The following CSMD1 variants were observed in gnomAD, a reference collection of about 807,000 sequenced individuals.
The protein encoded by CSMD1 is CUB and Sushi multiple domains 1, also known as CUB and sushi domain-containing protein 1.
Under a neutral mutation model 417.5 loss-of-function variants are expected in CSMD1, and 213 were observed. That is an observed-to-expected ratio of 0.51 (90% CI 0.46 to 0.57). The LOEUF (loss-of-function observed/expected upper bound fraction) is 0.57, where lower values mean the gene tolerates loss of function less well. CSMD1 is among the 20% of genes least tolerant of loss of function. The pLI is 0.00. For missense variants in CSMD1, 6,923 were observed against 4,529.7 expected, an observed-to-expected ratio of 1.53 and a Z score of -15.17; for synonymous variants, 2,862 against 1,736.8, an observed-to-expected ratio of 1.65 and a Z score of -16.11.
intron 3 of CSMD1, among the ~76,000 whole-genome samples, chr8:4,389,666 T>G (rs1803712144): frequency 6.6e-6 from 1 of 152,188 alleles, no homozygotes; most frequent in Non-Finnish European, 1.5e-5. Flanking sequence ...AAACTCCACC[T>G]TTATTTTTAA....
At chr8:4,239,596 C>A (rs1802272381) in intron 3 of CSMD1, among the ~76,000 whole-genome samples, 1 of 152,134 alleles carries the variant, frequency 6.6e-6, no homozygotes, top group Admixed American at 6.6e-5. Context: ...TAGCCACCTG[C>A]CTCTCTTAGA....
At chr8:3,461,817 T>G (rs1277251649) in intron 12 of CSMD1, among the ~76,000 whole-genome samples, 3 of 152,158 alleles carry the variant, frequency 2.0e-5, no homozygotes, top group Non-Finnish European at 4.4e-5. Flanking sequence ...CACGGACAAG[T>G]CTAGCAGCCA....
intron 2 of CSMD1, among the ~76,000 whole-genome samples, chr8:4,445,380 C>T (rs1798721957): frequency 6.6e-6 from 1 of 152,128 alleles, no homozygotes; most frequent in African/African-American, 2.4e-5. Context: ...TTGAGGAGCT[C>T]AACAAATTCT....
At chr8:3,558,937 C>A (rs1484986711) in intron 10 of CSMD1, among the ~76,000 whole-genome samples, 4 of 152,096 alleles carry the variant, frequency 2.6e-5, no homozygotes, top group Non-Finnish European at 4.4e-5. Context: ...GATTCGAGGT[C>A]CCAGAGTAGC....
chr8:3,206,449 GTA>G (rs1198318760), intron 30 of CSMD1, among the ~76,000 whole-genome samples: 13 of 45,590 alleles, frequency 2.9e-4, no homozygotes, highest in East Asian at 5.1e-4. Context: ...ATGTGTGTGT[GTA>G]TGTGTGTGTG....
At position 3,414,306 on chromosome 8, in the gene CSMD1, G is replaced by T. The variant is rs17066053; in HGVS notation, c.1562-4701C>A. On this transcript the variant is annotated intron_variant, in intron 12 of 69. Coordinates refer to ENST00000635120, the MANE Select transcript of CSMD1 (RefSeq NM_033225.6). ...AAGATTTGATAATGAAGGGGCCTAC[G>T]GAAAATATTGTTTAAGGATCATTCC... is the stretch of plus-strand genomic sequence containing the variant. Among the ~76,000 whole-genome samples the T allele has an allele frequency of 3.1e-3, 456 of 147,244 alleles. 5 individuals carry two copies. Among genetic ancestry groups the T allele is most frequent in the African/African-American group, 0.01 (404 of 40,124 alleles).
intron 28 of CSMD1, among the ~76,000 whole-genome samples, chr8:3,220,096 G>A (rs1445795204): frequency 7.1e-6 from 1 of 141,420 alleles, no homozygotes; most frequent in Non-Finnish European, 1.5e-5. Flanking sequence ...AATGAGCTAT[G>A]ACCACACCAC....
At chr8:3,794,772 A>T (rs1799947064) in intron 5 of CSMD1, among the ~76,000 whole-genome samples, 1 of 152,102 alleles carries the variant, frequency 6.6e-6, no homozygotes, top group Non-Finnish European at 1.5e-5. Flanking sequence ...TCTGAAACAA[A>T]ATAACACATC....
At chr8:4,586,341 T>G (rs1169035665) in intron 2 of CSMD1, among the ~76,000 whole-genome samples, 2 of 152,214 alleles carry the variant, frequency 1.3e-5, no homozygotes, top group Non-Finnish European at 2.9e-5. Flanking sequence ...ATTGCTTGTG[T>G]AGAGATAGAT....
intron 37 of CSMD1, among the ~76,000 whole-genome samples, chr8:3,172,758 T>C (rs1015810414): frequency 2.6e-5 from 4 of 152,168 alleles, no homozygotes; most frequent in Non-Finnish European, 5.9e-5. Flanking sequence ...AAACCAAACA[T>C]CGTCTCCCAT....
intron 3 of CSMD1, among the ~76,000 whole-genome samples, chr8:4,159,657 C>G (rs1467344666): frequency 1.3e-5 from 2 of 152,132 alleles, no homozygotes; most frequent in Non-Finnish European, 2.9e-5. Flanking sequence ...GGCGCGATCT[C>G]GGCTCACTGC....
chr8:3,796,729 C>T (rs1800176234), intron 5 of CSMD1, among the ~76,000 whole-genome samples: 1 of 150,764 alleles, frequency 6.6e-6, no homozygotes, highest in South Asian at 2.1e-4. Flanking sequence ...TTCTATATGT[C>T]ACCTTGTTAT....
chr8:4,590,419 T>C (rs964753819), intron 2 of CSMD1, among the ~76,000 whole-genome samples: 33 of 152,346 alleles, frequency 2.2e-4, no homozygotes, highest in African/African-American at 6.7e-4. Context: ...ATTAATTTTA[T>C]GTTATTCATC....
intron 20 of CSMD1, among the ~76,000 whole-genome samples, chr8:3,362,019 T>G (rs937373317): frequency 1.3e-5 from 2 of 152,210 alleles, no homozygotes; most frequent in African/African-American, 2.4e-5. Context: ...GCCTTCAGAA[T>G]TCCATCTTCT....
rs539190014 is a variant in CSMD1, at chr8:4,410,912, A to C, written c.415+9041T>G. On this transcript the variant is annotated intron_variant, in intron 3 of 69. Coordinates refer to ENST00000635120, the MANE Select transcript of CSMD1 (RefSeq NM_033225.6). Reference sequence around the variant, plus strand: ...GGTTATAAGTTCAATAAGATCAATGAATGTCTTTCTCTTCAGACTAGATTT... The same window carrying C: ...GGTTATAAGTTCAATAAGATCAATGCATGTCTTTCTCTTCAGACTAGATTT... Among the ~76,000 whole-genome samples, 45 of 152,278 alleles carry C rather than the reference A, an allele frequency of 3.0e-4. No individual in the cohort carries two copies. The Middle Eastern group carries it at 0.01, about 35-fold the overall frequency.
At chr8:4,242,864 G>T (rs534126874) in intron 3 of CSMD1, among the ~76,000 whole-genome samples, 5 of 152,154 alleles carry the variant, frequency 3.3e-5, no homozygotes, top group African/African-American at 1.2e-4. Flanking sequence ...TTAGATTAAA[G>T]CATCAGGATG....
At chr8:4,300,788 G>C (rs778661955) in intron 3 of CSMD1, among the ~76,000 whole-genome samples, 1 of 152,084 alleles carries the variant, frequency 6.6e-6, no homozygotes, top group African/African-American at 2.4e-5. Flanking sequence ...TGCAGTGTTT[G>C]GTTTTTTGTC....
chr8:3,452,748 T>C (rs570031063), intron 12 of CSMD1, among the ~76,000 whole-genome samples: 164 of 152,328 alleles, frequency 1.1e-3, no homozygotes, highest in African/African-American at 3.9e-3. Context: ...TTTGCATCGA[T>C]GTTCATCAGG....
chr8:4,555,013 G>C (rs546072708), intron 2 of CSMD1, among the ~76,000 whole-genome samples: 1 of 152,188 alleles, frequency 6.6e-6, no homozygotes, highest in African/African-American at 2.4e-5. Context: ...AGGAGAGCAC[G>C]CAAGTAAGAC....
Sources: gnomAD v4.1 joint callset for allele counts (sites outside exome capture counted in the v4.1 genomes callset) on GRCh38, gnomAD v4.1.1 for gene constraint, MANE v1.5 for transcripts, NCBI Gene and HGNC (gene_info 2026-07-23, HGNC 2026-07-21) for gene names.